KIF6: variants seen among roughly 807,000 people sequenced by gnomAD.
KIF6 encodes the protein kinesin-like protein KIF6.
A neutral mutation model predicts 112.7 loss-of-function variants in KIF6; 106 were observed. The ratio of observed to expected loss-of-function variants is 0.94; its 90% CI spans 0.80 to 1.11. The LOEUF is 1.11. Among genes scored for constraint, KIF6 ranks in the 50% least tolerant of loss-of-function variants. The probability of loss-of-function intolerance (pLI) is 0.00; values close to 1 mark genes in which losing one functional copy is unlikely to be tolerated. For missense variants in KIF6, 929 were observed against 964.0 expected, an observed-to-expected ratio of 0.96 and a Z score of 0.48; for synonymous variants, 339 against 339.9, an observed-to-expected ratio of 1.00 and a Z score of 0.03.
chr6:39,663,151 C>A (rs1403193539), intron 3 of KIF6, among the ~76,000 whole-genome samples: 1 of 152,160 alleles, frequency 6.6e-6, no homozygotes, highest in African/African-American at 2.4e-5. Flanking sequence ...GCCTCGTCCT[C>A]CCAAAGTGTG....
At chr6:39,589,763 G>C (rs1288436970) in intron 7 of KIF6, among the ~76,000 whole-genome samples, 2 of 152,166 alleles carry the variant, frequency 1.3e-5, no homozygotes, top group Non-Finnish European at 2.9e-5. Flanking sequence ...CTATACAGTA[G>C]TACTTTGCAG....
rs577911658 is a variant in KIF6, at chr6:39,719,585, T to C, written c.176+1117A>G. 4.6e-5 allele frequency among the ~76,000 whole-genome samples: 7 copies of C among 152,132 alleles called. No individual in the cohort carries two copies. In the East Asian group the frequency reaches 1.2e-3, roughly 25 times the overall value. On this transcript the variant is annotated intron_variant, in intron 2 of 22. Coordinates refer to ENST00000287152, the MANE Select transcript of KIF6 (RefSeq NM_145027.6). ...AATCAAAAGTGGAGATTAAAAGAAA[T>C]AGATTAATCTGAAAATGGAGACTAA... is the stretch of plus-strand genomic sequence containing the variant.
intron 3 of KIF6, among the ~76,000 whole-genome samples, chr6:39,671,646 T>C (rs1459767887): frequency 1.3e-5 from 2 of 152,230 alleles, no homozygotes; most frequent in Admixed American, 1.3e-4. Context: ...CTTCCCTCAA[T>C]GACAAAACTC....
chr6:39,573,533 A>T (rs1003923667), intron 10 of KIF6, among the ~76,000 whole-genome samples: 1 of 152,164 alleles, frequency 6.6e-6, no homozygotes, highest in Non-Finnish European at 1.5e-5. Context: ...CAAATTTACT[A>T]CTTTTGTGAA....
At chr6:39,358,558 G>A (rs1177836157) in intron 18 of KIF6, among the ~76,000 whole-genome samples, 1 of 152,220 alleles carries the variant, frequency 6.6e-6, no homozygotes, top group Non-Finnish European at 1.5e-5. Context: ...GACACTTCCT[G>A]AGTTTCGCTG....
At position 39,342,623 on chromosome 6, in the gene KIF6, T is replaced by A. The variant is rs1005620207; in HGVS notation, c.2428+1086A>T. On this transcript the variant is annotated intron_variant, in intron 22 of 22. Coordinates refer to ENST00000287152, the MANE Select transcript of KIF6 (RefSeq NM_145027.6). The surrounding 1 kb of genome is among the most constrained non-coding windows in gnomAD (Gnocchi z 4.7). ...TTTATTTTTTTTTATTTTTTTTTAT[T>A]TTTTTTTATTTTTAGACAAGGAAAC... Among the ~76,000 whole-genome samples, 24 of 134,264 alleles carry A rather than the reference T, an allele frequency of 1.8e-4. No homozygotes were observed. Among genetic ancestry groups the A allele is most frequent in the African/African-American group, 6.0e-4 (21 of 34,790 alleles). The allele number at this position is 134,264 out of a possible 152,430, so 88.1% of individuals were successfully genotyped here. A position where few individuals can be genotyped will look rare whatever the true frequency, so the allele number is the denominator to read the frequency against.
chr6:39,583,112 G>A, intron 9 of KIF6: 1 of 249,736 alleles, frequency 4.0e-6, no homozygotes, highest in Non-Finnish European at 8.2e-6. Context: ...TTCCTTCAAA[G>A]AAAAATCTCT....
At chr6:39,603,876 G>T (rs1350307163) in intron 6 of KIF6, among the ~76,000 whole-genome samples, 1 of 151,942 alleles carries the variant, frequency 6.6e-6, no homozygotes, top group Non-Finnish European at 1.5e-5. Flanking sequence ...CCATTCCTGT[G>T]TACCAAAATC....
intron 6 of KIF6, among the ~76,000 whole-genome samples, chr6:39,610,763 A>C (rs1783171977): frequency 1.3e-5 from 2 of 152,178 alleles, no homozygotes; most frequent in Non-Finnish European, 2.9e-5. Context: ...TGTCTACAAC[A>C]ATGGAAAGAC....
intron 13 of KIF6, among the ~76,000 whole-genome samples, chr6:39,449,905 G>T (rs1014008450): frequency 4.6e-5 from 7 of 152,176 alleles, no homozygotes; most frequent in Non-Finnish European, 1.0e-4. Context: ...CTTGGCTCAT[G>T]TCAACATCCA....
chr6:39,604,247 A>G lies in KIF6; in HGVS notation c.640-7987T>C, dbSNP rs571373235. Among the ~76,000 whole-genome samples, 7 of 152,268 alleles carry G rather than the reference A, an allele frequency of 4.6e-5. No homozygotes were observed. The East Asian group carries it at 1.2e-3, about 25-fold the overall frequency. On this transcript the variant is annotated intron_variant, in intron 6 of 22. Transcript: ENST00000287152. ...CCTTTCAGGTTAAACCTCACCCTTA[A>G]TGAAGAATTACCGAATCTGTTACCT...
intron 15 of KIF6, among the ~76,000 whole-genome samples, chr6:39,412,664 A>G (rs1769570012): frequency 6.6e-6 from 1 of 152,208 alleles, no homozygotes. Context: ...AGTGTAATAC[A>G]TAGTCTTATT....
At chr6:39,394,905 C>G (rs1277335351) in intron 15 of KIF6, among the ~76,000 whole-genome samples, 1 of 152,190 alleles carries the variant, frequency 6.6e-6, no homozygotes, top group African/African-American at 2.4e-5. Context: ...TGATTTCCCC[C>G]CGTGGGGATT....
chr6:39,581,773 C>T (rs1246911603), intron 9 of KIF6, among the ~76,000 whole-genome samples: 1 of 152,020 alleles, frequency 6.6e-6, no homozygotes, highest in Non-Finnish European at 1.5e-5. Context: ...TATTCCTTTG[C>T]TACAACCTCC....
chr6:39,626,107 C>A (rs554119710), intron 5 of KIF6, among the ~76,000 whole-genome samples: 34 of 152,200 alleles, frequency 2.2e-4, no homozygotes, highest in African/African-American at 7.5e-4. Context: ...TGTGGTGGAG[C>A]CTACTCCAGT....
intron 3 of KIF6, among the ~76,000 whole-genome samples, chr6:39,706,191 A>G (rs1205522025): frequency 6.6e-6 from 1 of 152,134 alleles, no homozygotes; most frequent in Non-Finnish European, 1.5e-5. Context: ...TTCTGTAGGT[A>G]TTTTATCAAA....
intron 10 of KIF6, among the ~76,000 whole-genome samples, chr6:39,567,611 CTTTT>C (rs138061257): frequency 6.9e-6 from 1 of 145,010 alleles, no homozygotes; most frequent in Non-Finnish European, 1.5e-5. Flanking sequence ...GAAGTGATTT[CTTTT>C]TTTTTTTTTT....
At chr6:39,681,824 A>G (rs1787539058) in intron 3 of KIF6, among the ~76,000 whole-genome samples, 1 of 152,220 alleles carries the variant, frequency 6.6e-6, no homozygotes, top group African/African-American at 2.4e-5. Flanking sequence ...GCCCCGTGGA[A>G]TTCACTGTAA....
chr6:39,465,171 C>G (rs1181015179), intron 13 of KIF6, among the ~76,000 whole-genome samples: 1 of 152,176 alleles, frequency 6.6e-6, no homozygotes, highest in Admixed American at 6.5e-5. Context: ...CATGTCTGCA[C>G]ATGCCTTGAA....
Sources: allele counts gnomAD v4.1 joint callset (sites outside exome capture counted in the v4.1 genomes callset), GRCh38; gene constraint gnomAD v4.1.1; non-coding constraint Gnocchi (gnomAD v3.1); transcripts MANE v1.5; gene names NCBI Gene and HGNC (gene_info 2026-07-23, HGNC 2026-07-21).